NOD1: variants seen among roughly 807,000 people sequenced by gnomAD.
NOD1 encodes the protein nucleotide-binding oligomerization domain-containing protein 1.
A neutral mutation model predicts 81.2 loss-of-function variants in NOD1; 70 were observed. The observed-to-expected ratio is 0.86, with a 90% CI of 0.71 to 1.05. The LOEUF (loss-of-function observed/expected upper bound fraction) is 1.05. Ranked by LOEUF, NOD1 falls within the 50% of genes least tolerant of loss-of-function variation. The pLI is 0.00. For synonymous variants in NOD1, 508 were observed against 526.9 expected (o/e 0.96, Z 0.49); for missense variants, 1,233 against 1,228.0 (o/e 1.00, Z -0.06).
intron 1 of NOD1, chr7:30,463,973 G>A (rs1386336886): frequency 6.6e-6 from 1 of 152,116 alleles, no homozygotes; most frequent in East Asian, 1.9e-4. Flanking sequence ...CCATGTTTTT[G>A]TTGTTCTCTT....
chr7:30,476,331 A>C (rs111502384), intron 1 of NOD1, among the ~76,000 whole-genome samples: 2,210 of 152,322 alleles, frequency 0.015, 57 homozygotes, highest in African/African-American at 0.05. Context: ...TGTCTAATCT[A>C]AACAGCACTG....
At chr7:30,458,168 C>A (rs922397682) in intron 3 of NOD1, among the ~76,000 whole-genome samples, 1 of 152,214 alleles carries the variant, frequency 6.6e-6, no homozygotes, top group East Asian at 1.9e-4. Context: ...TCTGAGTTAT[C>A]CCAAAATTGC....
rs374047329 is a variant in NOD1 at position 30,452,622 on chromosome 7, G to C, written c.795C>G (p.Pro265=). 6.2e-7 allele frequency: 1 copy of C among 1,613,702 alleles called. No individual in the cohort carries two copies. Among genetic ancestry groups the C allele is most frequent in the Non-Finnish European group, 8.5e-7 (1 of 1,180,020 alleles). ...FKHYCYPERD[P]EEVFAFLLRF... ...GCAGCAGGAAGGCAAACACCTCCTC[G>C]GGGTCCCGCTCTGGGTAGCAGTAGT... The change falls in exon 6 of 14, where the codon CCC becomes CCG. Residue 265 remains proline (P), a synonymous_variant. Transcript: ENST00000222823.
In NOD1 at chr7:30,452,774, GC is replaced by G. The variant is rs1195518573; in HGVS notation, c.642del (p.Leu215CysfsTer10). The G allele has an allele frequency of 1.2e-6, 2 of 1,614,026 alleles. No homozygotes were observed. Among genetic ancestry groups the G allele is most frequent in the African/African-American group, 2.7e-5 (2 of 74,954 alleles). On this transcript the variant is annotated frameshift_variant, in exon 6 of 14. Transcript: ENST00000222823. LOFTEE classifies it high-confidence loss of function. ...AGVGKSMLLQ[R>X]LQSLWATGRL... ...CGGCCCGTGGCCCAGAGGCTCTGCA[GC>G]CGCTGTAGCAGCATGGACTTGCCCA...
At chr7:30,462,122 T>A (rs1421627429) in intron 1 of NOD1, among the ~76,000 whole-genome samples, 1 of 152,176 alleles carries the variant, frequency 6.6e-6, no homozygotes, top group African/African-American at 2.4e-5. Context: ...CACTGAAAAT[T>A]CTGCAAACTC....
chr7:30,454,344 T>A (rs559249306), intron 5 of NOD1, among the ~76,000 whole-genome samples: 73 of 152,362 alleles, frequency 4.8e-4, no homozygotes, highest in African/African-American at 1.7e-3. Context: ...TGTTCTCACA[T>A]GCCTTGGACT....
At chr7:30,446,356 A>C (rs745833393) in intron 8 of NOD1, 132 bp from the exon 9 acceptor site, 8 of 731,390 alleles carry the variant, frequency 1.1e-5, no homozygotes, top group Non-Finnish European at 1.9e-5. Flanking sequence ...GATCCACAAG[A>C]GCCATGGCCT....
chr7:30,437,718 C>G, intron 9 of NOD1, 62 bp from the exon 10 acceptor site: 1 of 1,253,212 alleles, frequency 8.0e-7, no homozygotes, highest in Non-Finnish European at 1.1e-6. Flanking sequence ...CTCACCCCTC[C>G]TTTTTTGCCA....
intron 1 of NOD1, among the ~76,000 whole-genome samples, chr7:30,477,124 T>C (rs910056795): frequency 6.6e-5 from 10 of 152,200 alleles, no homozygotes; most frequent in Non-Finnish European, 4.4e-5. Flanking sequence ...AGTGACAGAA[T>C]CCGAGTTTTG....
chr7:30,452,514 G>A lies in NOD1; in HGVS notation c.903C>T (p.Ser301=), dbSNP rs764964324. The stretch of plus-strand genomic sequence containing the variant: ...GGTGGGCAGGCTCCCAGGGGCAGGA[G>A]CTGTCAGGCACGCGGCTCAGGTCCA... ...SDLDLSRVPD[S]SCPWEPAHPL... Residue 301 remains serine (S), a synonymous_variant, in exon 6 of 14, where the codon AGC becomes AGT. Transcript: ENST00000222823. 5.0e-6 allele frequency: 8 copies of A among 1,613,210 alleles called. No homozygotes were observed. Among genetic ancestry groups the A allele is most frequent in the Middle Eastern group, 1.7e-4 (1 of 6,058 alleles).
At chr7:30,468,649 G>T (rs1485616285) in intron 1 of NOD1, among the ~76,000 whole-genome samples, 1 of 152,148 alleles carries the variant, frequency 6.6e-6, no homozygotes, top group Non-Finnish European at 1.5e-5. Flanking sequence ...ACCTCATGTA[G>T]GTACCTGCCT....
chr7:30,476,283 A>G lies in NOD1; in HGVS notation c.-352+2323T>C, dbSNP rs1045812187. ...CACACATACACTAGAAAAACACTTGATCTTTATGCCTATATTACTTACTGT... is the reference window on the plus strand; with the variant it reads ...CACACATACACTAGAAAAACACTTGGTCTTTATGCCTATATTACTTACTGT... On this transcript the variant is annotated intron_variant, in intron 1 of 13. Transcript: ENST00000222823. Among the ~76,000 whole-genome samples the G allele has an allele frequency of 5.9e-5, 9 of 152,352 alleles. No homozygotes were observed. The East Asian group carries it at 9.6e-4, about 16-fold the overall frequency.
At chr7:30,466,294 G>A (rs919545878) in intron 1 of NOD1, among the ~76,000 whole-genome samples, 2 of 152,154 alleles carry the variant, frequency 1.3e-5, no homozygotes, top group Admixed American at 6.5e-5. Flanking sequence ...CATGAAACAT[G>A]AGCAGAAACA....
In NOD1 at chr7:30,425,144, G is replaced by A. The variant is rs1783338716; in HGVS notation, c.*494C>T. On this transcript the variant is annotated 3_prime_UTR_variant, in exon 14 of 14. Transcript: ENST00000222823. ...GACCAGTATCAATACATGGGAAAGT[G>A]CTGAGAAGGAAGAAAATATTTCAGG... 6.2e-6 allele frequency: 1 copy of A among 162,488 alleles called. No homozygotes were observed. The highest frequency in any genetic ancestry group is 2.4e-5 in the African/African-American group (1 of 41,554). 10.1% of individuals were successfully genotyped at this position (162,488 alleles called of 1,614,324 possible).
Position 30,452,528 on chromosome 7 carries a change from G to C in NOD1, c.889C>G (p.Arg297Gly), listed in dbSNP as rs201438430. ...DELHSDLDLS[R>G]VPDSSCPWEP... ...CAGGGGCAGGAGCTGTCAGGCACGCGGCTCAGGTCCAAGTCCGAGTGCAGC... is the reference window on the plus strand; with the variant it reads ...CAGGGGCAGGAGCTGTCAGGCACGCCGCTCAGGTCCAAGTCCGAGTGCAGC... The change falls in exon 6 of 14, where the codon CGC becomes GGC. Residue 297 changes from arginine to glycine, a missense_variant. Arg to Gly is a moderately radical substitution (Grantham distance 125). Transcript: ENST00000222823. The C allele has an allele frequency of 1.2e-6, 2 of 1,613,176 alleles. No individual in the cohort carries two copies. The highest frequency in any genetic ancestry group is 1.7e-6 in the Non-Finnish European group (2 of 1,179,984).
At chr7:30,446,306 C>A in intron 8 of NOD1, 82 bp from the exon 9 acceptor site, 8 of 978,900 alleles carry the variant, frequency 8.2e-6, no homozygotes, top group South Asian at 7.8e-5. Flanking sequence ...GCACAGAGCC[C>A]CTTCCAGCCC....
At chr7:30,475,923 G>A (rs923033849) in intron 1 of NOD1, 10 of 152,182 alleles carry the variant, frequency 6.6e-5, no homozygotes, top group Non-Finnish European at 1.3e-4. Context: ...AGTTTTTCCA[G>A]AAACCAGGTC....
intron 11 of NOD1, 109 bp from the exon 12 acceptor site, chr7:30,433,288 A>T (rs1784102673): frequency 1.3e-6 from 1 of 798,222 alleles, no homozygotes; most frequent in Non-Finnish European, 2.1e-6. Flanking sequence ...TATGCAGATG[A>T]TCACTTGCTG....
At chr7:30,430,297 A>G (rs1783833831) in intron 12 of NOD1, among the ~76,000 whole-genome samples, 1 of 152,214 alleles carries the variant, frequency 6.6e-6, no homozygotes, top group African/African-American at 2.4e-5. Flanking sequence ...AGTGATTCAA[A>G]TGAAACAAAG....
Sources: allele counts gnomAD v4.1 joint callset (sites outside exome capture counted in the v4.1 genomes callset), GRCh38; gene constraint gnomAD v4.1.1; transcripts MANE v1.5; gene names NCBI Gene and HGNC (gene_info 2026-07-23, HGNC 2026-07-21).